The following GALNT7 variants were observed in gnomAD, a reference collection of about 807,000 sequenced individuals.
The protein encoded by GALNT7 is polypeptide N-acetylgalactosaminyltransferase 7, also known as N-acetylgalactosaminyltransferase 7.
A neutral mutation model predicts 82.1 loss-of-function variants in GALNT7; 60 were observed. The ratio of observed to expected loss-of-function variants is 0.73; its 90% CI spans 0.59 to 0.91. The LOEUF is 0.91. Among genes scored for constraint, GALNT7 ranks in the 40% least tolerant of loss-of-function variants. GALNT7 has a pLI of 0.00. For synonymous variants in GALNT7, 243 were observed against 275.1 expected (o/e 0.88, Z 1.15); for missense variants, 660 against 804.2 (o/e 0.82, Z 2.17).
At chr4:173,313,640 C>T (rs1005291493) in intron 8 of GALNT7, among the ~76,000 whole-genome samples, 1 of 150,992 alleles carries the variant, frequency 6.6e-6, no homozygotes, top group African/African-American at 2.4e-5. Context: ...TCCAGCCAAG[C>T]TCTCATAAAC....
chr4:173,240,219 T>C (rs1734376012), intron 1 of GALNT7, among the ~76,000 whole-genome samples: 1 of 152,208 alleles, frequency 6.6e-6, no homozygotes, highest in Non-Finnish European at 1.5e-5. Flanking sequence ...GCAATTTTCC[T>C]AAAGCCTGAG....
intron 2 of GALNT7, among the ~76,000 whole-genome samples, chr4:173,256,650 GA>G (rs1369758947): frequency 6.7e-6 from 1 of 149,480 alleles, no homozygotes; most frequent in East Asian, 2.0e-4. Flanking sequence ...TTGCAAAACA[GA>G]GATTGCTAGG....
chr4:173,281,281 CTTCTA>C (rs1211355106), intron 2 of GALNT7, among the ~76,000 whole-genome samples: 11 of 152,286 alleles, frequency 7.2e-5, no homozygotes, highest in South Asian at 6.2e-4. Context: ...GCTGCAGTAA[CTTCTA>C]TTCAGTTCTC....
chr4:173,189,419 AT>A (rs1732555886), intron 1 of GALNT7, among the ~76,000 whole-genome samples: 1 of 152,198 alleles, frequency 6.6e-6, no homozygotes, highest in Non-Finnish European at 1.5e-5. Flanking sequence ...CCCATATTAG[AT>A]TTCTATTCAT....
intron 1 of GALNT7, among the ~76,000 whole-genome samples, chr4:173,182,620 C>T (rs1006140677): frequency 1.3e-4 from 19 of 150,122 alleles, no homozygotes; most frequent in African/African-American, 4.4e-4. Flanking sequence ...GGGCACACAG[C>T]GTGTTGCCTC....
At chr4:173,284,113 C>T (rs971388942) in intron 2 of GALNT7, among the ~76,000 whole-genome samples, 1 of 152,206 alleles carries the variant, frequency 6.6e-6, no homozygotes, top group Non-Finnish European at 1.5e-5. Context: ...TAGGTTAGTC[C>T]ATTCCATTAA....
At chr4:173,219,505 C>A (rs1221579575) in intron 1 of GALNT7, among the ~76,000 whole-genome samples, 1 of 152,050 alleles carries the variant, frequency 6.6e-6, no homozygotes, top group East Asian at 1.9e-4. Context: ...TGGGTACATA[C>A]CCAGGTGTGG....
In GALNT7 at chr4:173,298,116, A is replaced by G. The variant is rs774652715; in HGVS notation, c.967A>G (p.Thr323Ala). Reference sequence around the variant, plus strand: ...TTTGCTGCCATCAACACAATACAGAACCATTTGCACTGTGCCGCTTATAGA... The same window carrying G: ...TTTGCTGCCATCAACACAATACAGAGCCATTTGCACTGTGCCGCTTATAGA... ...PLVAPISKDR[T>A]ICTVPLIDVI... Residue 323 changes from threonine (T) to alanine (A), a missense_variant and splice_region_variant, in exon 6 of 12, where the codon ACC (threonine) becomes GCC (alanine). Physicochemically the swap from Thr to Ala is moderately conservative, Grantham distance 58. Around this residue, in one of 2 missense-constraint regions of GALNT7, gnomAD observed 527 missense variants for 683.5 expected, o/e 0.77. Transcript: ENST00000265000. The G allele has an allele frequency of 9.3e-6, 15 of 1,613,912 alleles. No homozygotes were observed. The highest frequency in any genetic ancestry group is 8.5e-6 in the Non-Finnish European group (10 of 1,179,862).
intron 1 of GALNT7, among the ~76,000 whole-genome samples, chr4:173,237,521 A>C (rs1734275616): frequency 6.6e-6 from 1 of 152,198 alleles, no homozygotes; most frequent in African/African-American, 2.4e-5. Flanking sequence ...TTCTGCTCTC[A>C]GTCAGTAAAA....
At chr4:173,315,417 G>C (rs1030442791) in intron 9 of GALNT7, among the ~76,000 whole-genome samples, 1 of 152,160 alleles carries the variant, frequency 6.6e-6, no homozygotes, top group African/African-American at 2.4e-5. Flanking sequence ...ATAGATTGTA[G>C]GTTGTATGAT....
intron 1 of GALNT7, among the ~76,000 whole-genome samples, chr4:173,203,762 C>T (rs549780309): frequency 1.6e-4 from 24 of 152,218 alleles, no homozygotes; most frequent in Non-Finnish European, 2.6e-4. Flanking sequence ...CCACATTTTA[C>T]GCTTTTGATG....
chr4:173,297,425 C>T (rs1249104488), intron 5 of GALNT7, among the ~76,000 whole-genome samples: 8 of 152,136 alleles, frequency 5.3e-5, no homozygotes, highest in Non-Finnish European at 7.4e-5. Flanking sequence ...CGCATGCACA[C>T]GCACACGTGA....
At chr4:173,242,411 C>T (rs1734468217) in intron 1 of GALNT7, among the ~76,000 whole-genome samples, 1 of 152,152 alleles carries the variant, frequency 6.6e-6, no homozygotes, top group African/African-American at 2.4e-5. Context: ...GGAAAGTGGC[C>T]TTCAATCTCT....
At chr4:173,298,758 G>C (rs183569535) in intron 6 of GALNT7, among the ~76,000 whole-genome samples, 1 of 152,170 alleles carries the variant, frequency 6.6e-6, no homozygotes, top group African/African-American at 2.4e-5. Flanking sequence ...GAGATTTCTG[G>C]GTTTTTCTCC....
intron 1 of GALNT7, among the ~76,000 whole-genome samples, chr4:173,181,392 G>T (rs888111806): frequency 1.3e-5 from 2 of 152,026 alleles, no homozygotes; most frequent in African/African-American, 4.8e-5. Context: ...AAATAAATTT[G>T]CTTACAGTCC....
intron 2 of GALNT7, among the ~76,000 whole-genome samples, chr4:173,278,365 A>G (rs1735990663): frequency 6.6e-6 from 1 of 152,220 alleles, no homozygotes. Flanking sequence ...AAATGGAGTG[A>G]TATCAACCTC....
chr4:173,294,113 CAAG>C (rs1179086196), intron 3 of GALNT7, among the ~76,000 whole-genome samples: 3 of 152,010 alleles, frequency 2.0e-5, no homozygotes, highest in Non-Finnish European at 4.4e-5. Flanking sequence ...CCATGGTAAC[CAAG>C]AATCAAAACT....
intron 9 of GALNT7, 187 bp from the exon 10 acceptor site, chr4:173,317,447 G>A: frequency 2.0e-6 from 1 of 509,216 alleles, no homozygotes; most frequent in South Asian, 2.5e-5. Context: ...TTCCAGTGTT[G>A]ACTTCAAGAC....
chr4:173,293,549 A>G (rs1308819885), intron 3 of GALNT7, among the ~76,000 whole-genome samples: 1 of 152,216 alleles, frequency 6.6e-6, no homozygotes, highest in Non-Finnish European at 1.5e-5. Flanking sequence ...TTTTTCTTTT[A>G]AAGACTAAAT....
Sources: allele counts gnomAD v4.1 joint callset (sites outside exome capture counted in the v4.1 genomes callset), GRCh38; gene constraint gnomAD v4.1.1; regional missense constraint gnomAD v4.1.1; transcripts MANE v1.5; gene names NCBI Gene and HGNC (gene_info 2026-07-23, HGNC 2026-07-21).